The following MACF1 variants were observed in gnomAD, a reference collection of about 807,000 sequenced individuals.
MACF1 encodes microtubule actin crosslinking factor 1, also known as microtubule-actin cross-linking factor 1.
MACF1 carries 193 observed loss-of-function variants against 854.8 expected under a neutral mutation model. The observed-to-expected ratio is 0.23, with a 90% CI of 0.20 to 0.25. The LOEUF (loss-of-function observed/expected upper bound fraction) is 0.25, where lower values mean the gene tolerates loss of function less well. Ranked by LOEUF, MACF1 falls within the 10% of genes least tolerant of loss-of-function variation. MACF1 has a pLI of 1.00. For missense variants in MACF1, 7,722 were observed against 8,929.1 expected, an observed-to-expected ratio of 0.86 and a Z score of 5.45; for synonymous variants, 3,185 against 3,226.7, an observed-to-expected ratio of 0.99 and a Z score of 0.44.
In MACF1 at chr1:39,479,885, G is replaced by A. The variant is rs370344773; in HGVS notation, c.22046G>A (p.Gly7349Asp). The A allele has an allele frequency of 3.7e-6, 6 of 1,614,130 alleles. No homozygotes were observed. In the African/African-American group the frequency reaches 8.0e-5, roughly 22 times the overall value. The change falls in exon 98 of 101, where the codon GGT becomes GAT. Residue 7349 changes from glycine (G) to aspartate (D), a missense_variant. Physicochemically the swap from Gly to Asp is moderately conservative, Grantham distance 94. Transcript: ENST00000564288. ...SQGMTPFRSRGRRSKPSSRAA... is the reference protein window; with the variant it reads ...SQGMTPFRSRDRRSKPSSRAA... ...GGAATGACCCCCTTCCGCTCACGGGGTCGAAGGTCCAAACCATCTTCCCGG... is the reference window on the plus strand; with the variant it reads ...GGAATGACCCCCTTCCGCTCACGGGATCGAAGGTCCAAACCATCTTCCCGG...
chr1:39,192,921 C>G (rs1417825457), intron 2 of MACF1, among the ~76,000 whole-genome samples: 1 of 152,084 alleles, frequency 6.6e-6, no homozygotes, highest in Admixed American at 6.5e-5. Flanking sequence ...ACCAGCCTGG[C>G]CAACATGGTG....
At chr1:39,362,641 A>C (rs1648299340) in intron 49 of MACF1, among the ~76,000 whole-genome samples, 1 of 152,052 alleles carries the variant, frequency 6.6e-6, no homozygotes, top group Non-Finnish European at 1.5e-5. Context: ...GCATAAGAGC[A>C]CTTTTGGAAC....
At chr1:39,120,987 G>A (rs1005652486) in intron 2 of MACF1, 1 of 152,328 alleles carries the variant, frequency 6.6e-6, no homozygotes, top group Non-Finnish European at 1.5e-5. Flanking sequence ...TTGTGCAGGG[G>A]CCTCCCTAAC....
At chr1:39,285,470 G>A (rs905700597) in intron 13 of MACF1, 80 bp downstream of exon 13, 1 of 1,544,934 alleles carries the variant, frequency 6.5e-7, no homozygotes, top group Non-Finnish European at 8.9e-7. Flanking sequence ...GTTGAAGTTA[G>A]CAATCGAGGA....
intron 61 of MACF1, among the ~76,000 whole-genome samples, chr1:39,425,691 T>C (rs2148642789): frequency 6.6e-6 from 1 of 152,328 alleles, no homozygotes; most frequent in East Asian, 1.9e-4. Flanking sequence ...ACATCTTTCA[T>C]GAAATGCTTT....
At chr1:39,384,919 A>G (rs1370185635) in intron 56 of MACF1, among the ~76,000 whole-genome samples, 1 of 152,240 alleles carries the variant, frequency 6.6e-6, no homozygotes, top group Non-Finnish European at 1.5e-5. Flanking sequence ...AATAGGAACA[A>G]TCAGTGATCC....
intron 58 of MACF1, among the ~76,000 whole-genome samples, chr1:39,420,658 A>C (rs1002790281): frequency 2.6e-5 from 4 of 152,008 alleles, no homozygotes; most frequent in Admixed American, 2.6e-4. Context: ...TCCTAATCCT[A>C]GTGTGGTCTG....
Position 39,326,997 on chromosome 1 carries a change from A to G in MACF1, c.4479-221A>G, listed in dbSNP as rs1014517527. Among the ~76,000 whole-genome samples, 8 of 152,186 alleles carry G rather than the reference A, an allele frequency of 5.3e-5. No individual in the cohort carries two copies. The East Asian group carries it at 1.5e-3, about 29-fold the overall frequency. On this transcript the variant is annotated intron_variant, in intron 35 of 100. Coordinates refer to ENST00000564288, the MANE Select transcript of MACF1 (RefSeq NM_001394062.1). ...GTGGGGCTAAAGTGGAGATGAGGTC[A>G]TTTGAACTACAAGCATAGGGGTGAC...
chr1:39,260,000 A>T (rs754877920), intron 6 of MACF1, among the ~76,000 whole-genome samples: 2 of 152,144 alleles, frequency 1.3e-5, no homozygotes, highest in African/African-American at 2.4e-5. Context: ...GTTCGCTAAG[A>T]TTCTCCAAAG....
At chr1:39,288,390 T>A (rs1302473090) in intron 15 of MACF1, among the ~76,000 whole-genome samples, 2 of 151,542 alleles carry the variant, frequency 1.3e-5, no homozygotes, top group Non-Finnish European at 2.9e-5. Flanking sequence ...CCCAGCTACT[T>A]GGGAGGCTGA....
At chr1:39,096,704 T>C (rs1474395666) in intron 2 of MACF1, among the ~76,000 whole-genome samples, 2 of 152,204 alleles carry the variant, frequency 1.3e-5, no homozygotes, top group Non-Finnish European at 1.5e-5. Flanking sequence ...AGTGGCACAA[T>C]TGTAGCTCAC....
At chr1:39,303,627 G>A (rs1179878306) in intron 23 of MACF1, among the ~76,000 whole-genome samples, 1 of 151,132 alleles carries the variant, frequency 6.6e-6, no homozygotes, top group Admixed American at 6.6e-5. Context: ...CGAGGGAGGC[G>A]GATCACTTGA....
At chr1:39,429,097 G>A (rs1056588783) in intron 63 of MACF1, 145 bp from the exon 64 acceptor site, 1 of 536,056 alleles carries the variant, frequency 1.9e-6, no homozygotes, top group African/African-American at 2.0e-5. Flanking sequence ...GGCTAACCAA[G>A]GAGAAGATGA....
intron 2 of MACF1, among the ~76,000 whole-genome samples, chr1:39,107,472 C>G (rs1642274540): frequency 6.9e-6 from 1 of 145,588 alleles, no homozygotes; most frequent in Non-Finnish European, 1.5e-5. Flanking sequence ...AGTAAATTAC[C>G]TCGAGTTGTA....
chr1:39,326,454 G>A (rs2148460500), intron 35 of MACF1, among the ~76,000 whole-genome samples: 1 of 152,272 alleles, frequency 6.6e-6, no homozygotes, highest in Admixed American at 6.5e-5. Context: ...GCTGAGGCGG[G>A]CAAATCACCT....
intron 18 of MACF1, 100 bp from the exon 19 acceptor site, chr1:39,294,946 A>G: frequency 2.5e-6 from 2 of 813,934 alleles, no homozygotes; most frequent in Non-Finnish European, 4.1e-6. Flanking sequence ...CCAATTCTAT[A>G]TTGTAGGTTC....
intron 47 of MACF1, among the ~76,000 whole-genome samples, chr1:39,359,873 G>T (rs1647921288): frequency 6.7e-6 from 1 of 148,348 alleles, no homozygotes; most frequent in African/African-American, 2.5e-5. Context: ...TGTAATCCCA[G>T]CTACTCTGGA....
At position 39,268,930 on chromosome 1, in the gene MACF1, G is replaced by A. The variant is rs1297549006; in HGVS notation, c.528+10902G>A. On this transcript the variant is annotated intron_variant, in intron 6 of 100. Transcript: ENST00000564288. ...AGTCTCCAAAAGGAAGACGGAGTGG[G>A]AGGGGTAGAGCATACCCCCCCAGAT... 7 of 1,287,736 alleles carry A rather than the reference G, an allele frequency of 5.4e-6. No homozygotes were observed. In the African/African-American group the frequency reaches 1.1e-4, roughly 20 times the overall value. 79.8% of individuals were successfully genotyped at this position (1,287,736 alleles called of 1,614,324 possible). A position where few individuals can be genotyped will look rare whatever the true frequency, so the allele number is the denominator to read the frequency against.
At chr1:39,269,127 A>C in intron 6 of MACF1, 2 of 1,289,816 alleles carry the variant, frequency 1.6e-6, no homozygotes, top group Non-Finnish European at 2.0e-6. Context: ...GATGACTGTC[A>C]TTGCTCACCT....
Sources: gnomAD v4.1 joint callset for allele counts (sites outside exome capture counted in the v4.1 genomes callset) on GRCh38, gnomAD v4.1.1 for gene constraint, MANE v1.5 for transcripts, NCBI Gene and HGNC (gene_info 2026-07-23, HGNC 2026-07-21) for gene names.